Variants in HS6ST3 observed in about 807,000 individuals in gnomAD.
HS6ST3 encodes the protein heparan-sulfate 6-O-sulfotransferase 3.
In HS6ST3, 12 loss-of-function variants were observed where a neutral mutation model predicts 36.7. The ratio of observed to expected loss-of-function variants is 0.33; its 90% CI spans 0.21 to 0.53. HS6ST3 has a LOEUF of 0.53. Among genes scored for constraint, HS6ST3 ranks in the 20% least tolerant of loss-of-function variants. The pLI, the probability that HS6ST3 is intolerant of heterozygous loss-of-function variation, is 0.95. For missense variants in HS6ST3, 584 were observed against 640.9 expected (o/e 0.91, Z 0.96); for synonymous variants, 240 against 257.5 (o/e 0.93, Z 0.65).
At chr13:96,537,127 CA>C (rs1274333236) in intron 1 of HS6ST3, among the ~76,000 whole-genome samples, 3 of 152,200 alleles carry the variant, frequency 2.0e-5, no homozygotes, top group Non-Finnish European at 4.4e-5. Flanking sequence ...AATGGACTTA[CA>C]ATTCCATGTG....
At chr13:96,630,510 C>T (rs1000831714) in intron 1 of HS6ST3, among the ~76,000 whole-genome samples, 5 of 152,172 alleles carry the variant, frequency 3.3e-5, no homozygotes, top group East Asian at 1.9e-4. Flanking sequence ...GGTGCCCTCA[C>T]TCGCCTTTCC....
chr13:96,775,595 TAA>T (rs1555324022), intron 1 of HS6ST3, among the ~76,000 whole-genome samples: 1 of 148,690 alleles, frequency 6.7e-6, no homozygotes, highest in Non-Finnish European at 1.5e-5. Flanking sequence ...AAAAGACAAA[TAA>T]AGACATGACA....
At chr13:96,758,540 C>A (rs1876888375) in intron 1 of HS6ST3, among the ~76,000 whole-genome samples, 1 of 151,750 alleles carries the variant, frequency 6.6e-6, no homozygotes, top group South Asian at 2.1e-4. Context: ...CCTCTAAAAA[C>A]TTTTAGCTTT....
At chr13:96,577,588 C>T (rs960154814) in intron 1 of HS6ST3, among the ~76,000 whole-genome samples, 3 of 152,056 alleles carry the variant, frequency 2.0e-5, no homozygotes, top group Non-Finnish European at 4.4e-5. Context: ...CTTGAGGAAT[C>T]GCCTATCCAT....
At chr13:96,330,551 T>C (rs1475566273) in intron 1 of HS6ST3, among the ~76,000 whole-genome samples, 12 of 152,114 alleles carry the variant, frequency 7.9e-5, no homozygotes, top group African/African-American at 2.9e-4. Context: ...CTGAGAGATC[T>C]GCTGTTAGTC....
At position 96,090,916 on chromosome 13, in the gene HS6ST3, C is replaced by G; in HGVS notation, c.54C>G (p.Phe18Leu). The change falls in exon 1 of 2, where the codon TTC becomes TTG. Residue 18 changes from phenylalanine to leucine, a missense_variant. By Grantham distance (22) the Phe-to-Leu change is conservative. Coordinates refer to ENST00000376705, the MANE Select transcript of HS6ST3 (RefSeq NM_153456.4). ...TGACGCCGGTGCTCACTCTCCTCTT[C>G]GTGGTCATCATGTACCAGTACGTGT... ...WLLTPVLTLL[F>L]VVIMYQYVSP... 6.6e-7 allele frequency: 1 copy of G among 1,514,462 alleles called. No homozygotes were observed. Among genetic ancestry groups the G allele is most frequent in the Non-Finnish European group, 8.9e-7 (1 of 1,126,668 alleles). 93.8% of individuals were successfully genotyped at this position (1,514,462 alleles called of 1,614,324 possible). A position where few individuals can be genotyped will look rare whatever the true frequency, so the allele number is the denominator to read the frequency against.
At chr13:96,725,002 C>G (rs759530303) in intron 1 of HS6ST3, among the ~76,000 whole-genome samples, 6 of 152,116 alleles carry the variant, frequency 3.9e-5, no homozygotes, top group Non-Finnish European at 7.4e-5. Flanking sequence ...TATGAGAGTT[C>G]CATTGCAGAG....
intron 1 of HS6ST3, among the ~76,000 whole-genome samples, chr13:96,797,289 C>A (rs911479901): frequency 1.5e-4 from 23 of 152,088 alleles, no homozygotes; most frequent in Admixed American, 1.5e-3. Context: ...CAGGCACCAT[C>A]TGATGGCCAG....
chr13:96,764,025 C>T (rs936694145), intron 1 of HS6ST3, among the ~76,000 whole-genome samples: 5 of 152,148 alleles, frequency 3.3e-5, no homozygotes, highest in Non-Finnish European at 5.9e-5. Context: ...CACCAAATCA[C>T]AGTCATTTGT....
At chr13:96,753,271 A>C (rs1876742555) in intron 1 of HS6ST3, among the ~76,000 whole-genome samples, 1 of 152,204 alleles carries the variant, frequency 6.6e-6, no homozygotes, top group African/African-American at 2.4e-5. Context: ...AAAACAAAAC[A>C]ACCCTCATGA....
At chr13:96,347,471 G>A (rs1205033145) in intron 1 of HS6ST3, among the ~76,000 whole-genome samples, 1 of 152,228 alleles carries the variant, frequency 6.6e-6, no homozygotes, top group Non-Finnish European at 1.5e-5. Flanking sequence ...AAACCTGGGT[G>A]AAAGCGCCCT....
intron 1 of HS6ST3, among the ~76,000 whole-genome samples, chr13:96,518,891 G>T (rs1427308187): frequency 6.6e-6 from 1 of 152,094 alleles, no homozygotes; most frequent in Non-Finnish European, 1.5e-5. Context: ...CAGGATTCAT[G>T]CTAAAATCAT....
chr13:96,229,900 G>T (rs1221943942), intron 1 of HS6ST3, among the ~76,000 whole-genome samples: 1 of 152,150 alleles, frequency 6.6e-6, no homozygotes, highest in African/African-American at 2.4e-5. Flanking sequence ...GCAAGGGAAG[G>T]ATTCACAGAG....
intron 1 of HS6ST3, among the ~76,000 whole-genome samples, chr13:96,710,346 C>G (rs577514660): frequency 6.6e-6 from 1 of 152,354 alleles, no homozygotes; most frequent in South Asian, 2.1e-4. Context: ...GCTCTGCCTG[C>G]AGGCAGCTGG....
chr13:96,756,489 T>A (rs962374440), intron 1 of HS6ST3, among the ~76,000 whole-genome samples: 1 of 152,210 alleles, frequency 6.6e-6, no homozygotes, highest in Non-Finnish European at 1.5e-5. Context: ...CAGTTTTAGT[T>A]TGATGTATCC....
chr13:96,454,758 T>C (rs2045175708), intron 1 of HS6ST3, among the ~76,000 whole-genome samples: 2 of 151,940 alleles, frequency 1.3e-5, no homozygotes, highest in Non-Finnish European at 2.9e-5. Context: ...GGATGGTGGT[T>C]AGGAATAGGA....
chr13:96,724,791 T>A (rs991388758), intron 1 of HS6ST3, among the ~76,000 whole-genome samples: 1 of 152,194 alleles, frequency 6.6e-6, no homozygotes, highest in Non-Finnish European at 1.5e-5. Flanking sequence ...ATTTGGTTGT[T>A]CTCAATCTTG....
intron 1 of HS6ST3, among the ~76,000 whole-genome samples, chr13:96,313,855 A>G (rs1475864341): frequency 2.0e-5 from 3 of 152,126 alleles, no homozygotes; most frequent in African/African-American, 7.2e-5. Context: ...TGACTCTTTA[A>G]TTGTAGACGA....
chr13:96,386,290 G>A (rs1438281540), intron 1 of HS6ST3, among the ~76,000 whole-genome samples: 2 of 152,062 alleles, frequency 1.3e-5, no homozygotes, highest in East Asian at 3.9e-4. Flanking sequence ...AGCACCAAAA[G>A]CAATCTGGGA....
Sources: gnomAD v4.1 joint callset for allele counts (sites outside exome capture counted in the v4.1 genomes callset) on GRCh38, gnomAD v4.1.1 for gene constraint, MANE v1.5 for transcripts, NCBI Gene and HGNC (gene_info 2026-07-23, HGNC 2026-07-21) for gene names.